The following FBLN7 variants were observed in gnomAD, a reference collection of about 807,000 sequenced individuals.
FBLN7 encodes the protein fibulin 7.
In FBLN7, 31 loss-of-function variants were observed where a neutral mutation model predicts 44.0. That is an observed-to-expected ratio of 0.70 (90% CI 0.53 to 0.95). The LOEUF (loss-of-function observed/expected upper bound fraction) is 0.95. FBLN7 is among the 40% of genes least tolerant of loss of function. FBLN7 has a pLI of 0.00. For synonymous variants in FBLN7, 262 were observed against 253.4 expected, an observed-to-expected ratio of 1.03 and a Z score of -0.32; for missense variants, 573 against 618.5, an observed-to-expected ratio of 0.93 and a Z score of 0.78.
chr2:112,171,398 C>A (rs1682451725), intron 3 of FBLN7, among the ~76,000 whole-genome samples: 1 of 151,706 alleles, frequency 6.6e-6, no homozygotes, highest in South Asian at 2.1e-4. Flanking sequence ...GAAAGCAGGG[C>A]CAGTGGTGCT....
At chr2:112,147,890 G>T (rs746320074) in intron 1 of FBLN7, among the ~76,000 whole-genome samples, 5 of 151,100 alleles carry the variant, frequency 3.3e-5, no homozygotes, top group Non-Finnish European at 7.4e-5. Context: ...GGTCGTAGGT[G>T]GGGGGTCTGC....
At chr2:112,204,016 A>AG in the FBLN7 span, among the ~76,000 whole-genome samples, 5 of 152,204 alleles carry the variant, frequency 3.3e-5, no homozygotes, top group African/African-American at 1.2e-4. Context: ...AGCTTACTAG[A>AG]GAAAGACTTT....
chr2:112,161,165 G>A (rs760517213), intron 2 of FBLN7, among the ~76,000 whole-genome samples: 1 of 152,182 alleles, frequency 6.6e-6, no homozygotes, highest in Non-Finnish European at 1.5e-5. Flanking sequence ...GGTGTCTTAG[G>A]GTGCTGGGGG....
intron 1 of FBLN7, among the ~76,000 whole-genome samples, chr2:112,143,025 G>A (rs1436855575): frequency 6.6e-6 from 1 of 152,154 alleles, no homozygotes; most frequent in African/African-American, 2.4e-5. Context: ...GCAGGGTCCA[G>A]AGCAGTGGTC....
At chr2:112,166,417 TAAA>T (rs781693472) in intron 3 of FBLN7, among the ~76,000 whole-genome samples, 8 of 152,162 alleles carry the variant, frequency 5.3e-5, no homozygotes, top group Non-Finnish European at 8.8e-5. Flanking sequence ...ATGCCATCCC[TAAA>T]GATGAGTATG....
chr2:112,162,087 C>T (rs536259351), intron 2 of FBLN7, among the ~76,000 whole-genome samples: 3 of 152,262 alleles, frequency 2.0e-5, no homozygotes, highest in Admixed American at 2.0e-4. Flanking sequence ...GTGGAGTGAT[C>T]CTAGTTCACT....
At chr2:112,159,613 A>G in intron 1 of FBLN7, 63 bp from the exon 2 acceptor site, 1 of 1,420,060 alleles carries the variant, frequency 7.0e-7, no homozygotes, top group Non-Finnish European at 9.3e-7. Context: ...TCGGAAGCTC[A>G]GACAAGCATG....
chr2:112,160,177 A>T (rs569468341), intron 2 of FBLN7, among the ~76,000 whole-genome samples: 1 of 152,198 alleles, frequency 6.6e-6, no homozygotes, highest in East Asian at 1.9e-4. Context: ...TTTTTAGTAG[A>T]GACGGGGTTT....
chr2:112,143,879 G>A (rs544858521), intron 1 of FBLN7, among the ~76,000 whole-genome samples: 8 of 151,988 alleles, frequency 5.3e-5, no homozygotes, highest in African/African-American at 1.9e-4. Flanking sequence ...CACTGCACCC[G>A]GCCTCCACAA....
At chr2:112,170,141 C>T (rs1488866990) in intron 3 of FBLN7, among the ~76,000 whole-genome samples, 1 of 152,002 alleles carries the variant, frequency 6.6e-6, no homozygotes, top group Non-Finnish European at 1.5e-5. Context: ...ACTTGGGAGG[C>T]TGAGGCAGAA....
intron 2 of FBLN7, among the ~76,000 whole-genome samples, chr2:112,161,819 C>T (rs1046916550): frequency 6.6e-6 from 1 of 152,230 alleles, no homozygotes; most frequent in Non-Finnish European, 1.5e-5. Flanking sequence ...TTTAAAAAAT[C>T]GCCATCATGT....
the FBLN7 span, among the ~76,000 whole-genome samples, chr2:112,197,274 C>CACACACACACACACACACAGAG: frequency 1.0e-5 from 1 of 98,596 alleles, no homozygotes; most frequent in Non-Finnish European, 2.2e-5. Context: ...CACACACACA[C>CACACACACACACACACACAGAG]AGAGAGAGAG....
chr2:112,182,151 C>A, intron 5 of FBLN7: 1 of 458,216 alleles, frequency 2.2e-6, no homozygotes, highest in Non-Finnish European at 3.9e-6. Context: ...GACCCTCCAT[C>A]CCCTCCGCCC....
intron 7 of FBLN7, among the ~76,000 whole-genome samples, chr2:112,186,810 T>C (rs1408002225): frequency 6.6e-6 from 1 of 152,236 alleles, no homozygotes. Flanking sequence ...GCATTGCCAT[T>C]GTTATTTAAT....
the FBLN7 span, among the ~76,000 whole-genome samples, chr2:112,201,852 A>G: frequency 6.6e-6 from 1 of 152,244 alleles, no homozygotes; most frequent in African/African-American, 2.4e-5. Flanking sequence ...GAGTTCAGCT[A>G]CATGAGGAAG....
intron 3 of FBLN7, among the ~76,000 whole-genome samples, chr2:112,170,736 T>C (rs183978285): frequency 8.1e-4 from 123 of 152,328 alleles, no homozygotes; most frequent in African/African-American, 2.7e-3. Context: ...TGGTGGGATT[T>C]TAGTTCTAAG....
At chr2:112,227,411 G>C in the FBLN7 span, among the ~76,000 whole-genome samples, 6 of 152,326 alleles carry the variant, frequency 3.9e-5, no homozygotes, top group South Asian at 1.0e-3. Flanking sequence ...TGCAATCCCA[G>C]GTACTCGGGA....
intron 7 of FBLN7, among the ~76,000 whole-genome samples, chr2:112,185,650 G>A (rs753857127): frequency 4.6e-5 from 7 of 152,188 alleles, no homozygotes; most frequent in Non-Finnish European, 8.8e-5. Context: ...AAGGGAAGAA[G>A]CTGTTGGTGA....
intron 2 of FBLN7, among the ~76,000 whole-genome samples, chr2:112,162,572 G>A (rs948535484): frequency 6.6e-6 from 1 of 152,174 alleles, no homozygotes; most frequent in African/African-American, 2.4e-5. Flanking sequence ...GGCGCAGGGA[G>A]CTTCGCTGTG....
Sources: gnomAD v4.1 joint callset for allele counts (sites outside exome capture counted in the v4.1 genomes callset) on GRCh38, gnomAD v4.1.1 for gene constraint, MANE v1.5 for transcripts, NCBI Gene and HGNC (gene_info 2026-07-23, HGNC 2026-07-21) for gene names.